The following ADAMTSL3 variants were observed in gnomAD, a reference collection of about 807,000 sequenced individuals.
ADAMTSL3 encodes the protein ADAMTS-like protein 3.
Under a neutral mutation model 201.7 loss-of-function variants are expected in ADAMTSL3, and 128 were observed. That is an observed-to-expected ratio of 0.63 (90% CI 0.55 to 0.73). ADAMTSL3 has a LOEUF of 0.73. Ranked by LOEUF, ADAMTSL3 falls within the 30% of genes least tolerant of loss-of-function variation. The pLI is 0.00. For missense variants in ADAMTSL3, 1,990 were observed against 2,119.6 expected (o/e 0.94, Z 1.20); for synonymous variants, 738 against 748.4 (o/e 0.99, Z 0.23).
intron 17 of ADAMTSL3, 123 bp downstream of exon 17, chr15:83,924,156 A>G (rs1436168831): frequency 1.5e-6 from 2 of 1,290,418 alleles, no homozygotes; most frequent in African/African-American, 1.5e-5. Context: ...AGCCTGCTTC[A>G]GAGCTCTCTT....
chr15:83,699,556 C>T lies in ADAMTSL3; in HGVS notation c.70-4833C>T, dbSNP rs146776196. On this transcript the variant is annotated intron_variant, in intron 2 of 29. Coordinates refer to ENST00000286744, the MANE Select transcript of ADAMTSL3 (RefSeq NM_207517.3). ...CTTTGTGATTCCACTTTACCTTCTT[C>T]TAGCTCAGTCTCCACAAAGCAGTCA... Among the ~76,000 whole-genome samples, 36 of 152,362 alleles carry T rather than the reference C, an allele frequency of 2.4e-4. No individual in the cohort carries two copies. In the East Asian group the frequency reaches 6.0e-3, roughly 25 times the overall value.
intron 19 of ADAMTSL3, among the ~76,000 whole-genome samples, chr15:83,943,879 A>G (rs1011559506): frequency 6.6e-6 from 1 of 152,236 alleles, no homozygotes; most frequent in South Asian, 2.1e-4. Flanking sequence ...CAAGTACAGT[A>G]GTCCCAGTTT....
Position 83,960,245 on chromosome 15 carries a change from A to G in ADAMTSL3, c.2491-10239A>G, listed in dbSNP as rs146039599. Among the ~76,000 whole-genome samples the G allele has an allele frequency of 2.0e-3, 300 of 152,268 alleles. 1 individual carries two copies. Among genetic ancestry groups the G allele is most frequent in the African/African-American group, 6.7e-3 (279 of 41,558 alleles). On this transcript the variant is annotated intron_variant, in intron 19 of 29. Transcript: ENST00000286744. The stretch of plus-strand genomic sequence containing the variant: ...TTCCTCCTTTGAAACCCAACAAAAA[A>G]CCCACTAAAAGAATGAAAGAGAAGG...
chr15:84,019,718 C>G (rs575847846), intron 25 of ADAMTSL3, among the ~76,000 whole-genome samples: 1 of 151,706 alleles, frequency 6.6e-6, no homozygotes, highest in East Asian at 1.9e-4. Flanking sequence ...ATGATGAAAC[C>G]CCATCTCTAC....
At chr15:83,830,780 T>C (rs1232757363) in intron 6 of ADAMTSL3, among the ~76,000 whole-genome samples, 4 of 152,206 alleles carry the variant, frequency 2.6e-5, no homozygotes, top group African/African-American at 4.8e-5. Flanking sequence ...TCCTTGCCTC[T>C]CTTCCAGCTT....
chr15:83,842,016 G>A (rs1171181786), intron 7 of ADAMTSL3, among the ~76,000 whole-genome samples: 3 of 151,366 alleles, frequency 2.0e-5, no homozygotes, highest in Admixed American at 2.0e-4. Flanking sequence ...TCCAGGGGAA[G>A]ACCACCTTCC....
chr15:83,989,483 A>T (rs2067545851), intron 22 of ADAMTSL3, among the ~76,000 whole-genome samples: 1 of 152,228 alleles, frequency 6.6e-6, no homozygotes, highest in African/African-American at 2.4e-5. Flanking sequence ...CATTTTTTAA[A>T]GTTCCATCAG....
chr15:83,871,039 A>C, intron 9 of ADAMTSL3, 80 bp downstream of exon 9: 1 of 1,498,128 alleles, frequency 6.7e-7, no homozygotes, highest in Non-Finnish European at 9.1e-7. Flanking sequence ...TTTGTTTAGC[A>C]AGAGGTCATC....
At chr15:83,706,683 C>T (rs913830619) in intron 3 of ADAMTSL3, among the ~76,000 whole-genome samples, 1 of 151,974 alleles carries the variant, frequency 6.6e-6, no homozygotes, top group African/African-American at 2.4e-5. Flanking sequence ...TTCTGTCACC[C>T]AGGCTGAAGT....
chr15:83,720,365 C>T (rs764817111), intron 3 of ADAMTSL3, among the ~76,000 whole-genome samples: 1 of 152,134 alleles, frequency 6.6e-6, no homozygotes, highest in Non-Finnish European at 1.5e-5. Flanking sequence ...TACAATTAAA[C>T]ATTTCTTCCA....
chr15:83,667,472 A>T (rs1427263327), intron 2 of ADAMTSL3, among the ~76,000 whole-genome samples: 3 of 151,956 alleles, frequency 2.0e-5, no homozygotes, highest in African/African-American at 4.8e-5. Flanking sequence ...TTTATCTCTA[A>T]TGAAGCAAGG....
chr15:83,903,930 AAAAAAAAAAAAAAAG>A (rs2065780128), intron 15 of ADAMTSL3, among the ~76,000 whole-genome samples: 1 of 27,242 alleles, frequency 3.7e-5, no homozygotes, highest in Non-Finnish European at 5.7e-5. Context: ...AAAAAAAAAA[AAAAAAAAAAAAAAAG>A]AAAAAAGAAA....
chr15:83,994,816 C>T (rs1174790276), intron 23 of ADAMTSL3, among the ~76,000 whole-genome samples: 1 of 149,028 alleles, frequency 6.7e-6, no homozygotes. Flanking sequence ...CACCATGTTG[C>T]CCAGGCTGGT....
intron 23 of ADAMTSL3, among the ~76,000 whole-genome samples, chr15:84,003,240 G>A (rs189295006): frequency 5.8e-4 from 88 of 151,962 alleles, no homozygotes; most frequent in African/African-American, 2.0e-3. Flanking sequence ...TGGGAGCCAC[G>A]GTGCCTGGCC....
intron 7 of ADAMTSL3, among the ~76,000 whole-genome samples, chr15:83,843,270 C>T (rs759876239): frequency 4.6e-4 from 70 of 151,708 alleles, no homozygotes; most frequent in South Asian, 1.0e-3. Flanking sequence ...TCAATTTCTA[C>T]GTAGAAAGGG....
intron 5 of ADAMTSL3, among the ~76,000 whole-genome samples, chr15:83,805,648 TCAGTAAGAG>T (rs2063591600): frequency 1.3e-5 from 2 of 152,070 alleles, no homozygotes; most frequent in African/African-American, 2.4e-5. Context: ...TTCCTGGTTA[TCAGTAAGAG>T]GCTAACTAGA....
At chr15:83,917,785 A>G (rs2066065607) in intron 16 of ADAMTSL3, among the ~76,000 whole-genome samples, 1 of 152,086 alleles carries the variant, frequency 6.6e-6, no homozygotes, top group South Asian at 2.1e-4. Context: ...TTAAATTTGT[A>G]GAGTTGTGGT....
At chr15:83,917,383 G>A (rs1464133592) in intron 16 of ADAMTSL3, among the ~76,000 whole-genome samples, 1 of 151,950 alleles carries the variant, frequency 6.6e-6, no homozygotes, top group Non-Finnish European at 1.5e-5. Flanking sequence ...AAAGCATGAA[G>A]AATCCAGACA....
chr15:84,037,865 TC>T lies in ADAMTSL3; in HGVS notation c.*63del. 6.5e-7 allele frequency: 1 copy of T among 1,546,462 alleles called. No homozygotes were observed. Among genetic ancestry groups the T allele is most frequent in the Admixed American group, 2.2e-5 (1 of 44,566 alleles). ...TAAAAGTAGAATATAAAAGCTCTTT[TC>T]CCCATGTCGCTGATTCAAAAACATG... On this transcript the variant is annotated 3_prime_UTR_variant, in exon 30 of 30. Coordinates refer to ENST00000286744, the MANE Select transcript of ADAMTSL3 (RefSeq NM_207517.3).
Sources: allele counts gnomAD v4.1 joint callset (sites outside exome capture counted in the v4.1 genomes callset), GRCh38; gene constraint gnomAD v4.1.1; transcripts MANE v1.5; gene names NCBI Gene and HGNC (gene_info 2026-07-23, HGNC 2026-07-21).